Variants in CLSTN2 observed in about 807,000 individuals in gnomAD.
The protein encoded by CLSTN2 is calsyntenin-2.
In CLSTN2, 48 loss-of-function variants were observed where a neutral mutation model predicts 101.2. The observed-to-expected ratio is 0.47, with a 90% CI of 0.38 to 0.60. The LOEUF (loss-of-function observed/expected upper bound fraction) is 0.60, where lower values mean the gene tolerates loss of function less well. Ranked by LOEUF, CLSTN2 falls within the 20% of genes least tolerant of loss-of-function variation. The pLI, the probability that CLSTN2 is intolerant of heterozygous loss-of-function variation, is 0.00. For missense variants in CLSTN2, 1,160 were observed against 1,238.2 expected (o/e 0.94, Z 0.95); for synonymous variants, 481 against 463.6 (o/e 1.04, Z -0.48).
chr3:140,259,637 C>T (rs1242877379), intron 2 of CLSTN2, among the ~76,000 whole-genome samples: 2 of 152,110 alleles, frequency 1.3e-5, no homozygotes, highest in Non-Finnish European at 2.9e-5. Context: ...TCCCTCCCAC[C>T]TTTTCAAACC....
chr3:140,502,871 T>G (rs181620560), intron 8 of CLSTN2, among the ~76,000 whole-genome samples: 1 of 152,340 alleles, frequency 6.6e-6, no homozygotes, highest in East Asian at 1.9e-4. Context: ...ATACCACATA[T>G]GTAGTGACTT....
At chr3:140,535,380 C>T (rs1228194291) in intron 9 of CLSTN2, among the ~76,000 whole-genome samples, 1 of 152,176 alleles carries the variant, frequency 6.6e-6, no homozygotes, top group Non-Finnish European at 1.5e-5. Flanking sequence ...AGGACATTGT[C>T]ACTCCATAAA....
At position 140,562,861 on chromosome 3, in the gene CLSTN2, C is replaced by A; in HGVS notation, c.2263C>A (p.Arg755Ser). 6.2e-7 allele frequency: 1 copy of A among 1,614,122 alleles called. No individual in the cohort carries two copies. Among genetic ancestry groups the A allele is most frequent in the South Asian group, 1.1e-5 (1 of 91,082 alleles). ...YEQVLHHIRY[R>S]NWRPASLEAR... ...GCAGGTGCTACATCACATCCGCTAC[C>A]GCAACTGGCGTCCGGCTTCCCTTGA... Residue 755 changes from arginine (R) to serine (S), a missense_variant, in exon 14 of 17, where the codon CGC becomes AGC. By Grantham distance (110) the Arg-to-Ser change is moderately radical. Transcript: ENST00000458420.
intron 1 of CLSTN2, among the ~76,000 whole-genome samples, chr3:140,139,755 C>T (rs1035246132): frequency 4.6e-5 from 7 of 152,232 alleles, no homozygotes; most frequent in Non-Finnish European, 7.3e-5. Flanking sequence ...TAACAGCAAC[C>T]ACTCACATTC....
intron 1 of CLSTN2, among the ~76,000 whole-genome samples, chr3:140,082,595 C>T (rs1289266789): frequency 6.6e-6 from 1 of 152,192 alleles, no homozygotes; most frequent in South Asian, 2.1e-4. Flanking sequence ...CCCCCATACA[C>T]CCCTCCAAAC....
At chr3:140,015,965 G>A (rs377139997) in intron 1 of CLSTN2, among the ~76,000 whole-genome samples, 1 of 152,214 alleles carries the variant, frequency 6.6e-6, no homozygotes, top group Non-Finnish European at 1.5e-5. Context: ...GCCGTTCTGG[G>A]ACACAAAGCT....
intron 1 of CLSTN2, among the ~76,000 whole-genome samples, chr3:140,038,189 T>C (rs949419463): frequency 2.0e-5 from 3 of 152,282 alleles, no homozygotes; most frequent in African/African-American, 7.2e-5. Flanking sequence ...CCTTTTTCAC[T>C]GCAACCTTGC....
chr3:140,429,756 G>T (rs1018150368), intron 5 of CLSTN2, among the ~76,000 whole-genome samples: 7 of 152,172 alleles, frequency 4.6e-5, no homozygotes, highest in African/African-American at 1.7e-4. Context: ...TCCCCCAAAA[G>T]TACTAAAAGT....
chr3:140,161,570 G>A (rs528204790), intron 1 of CLSTN2, among the ~76,000 whole-genome samples: 2 of 152,166 alleles, frequency 1.3e-5, no homozygotes, highest in South Asian at 2.1e-4. Context: ...AACCAGAACC[G>A]GAAAAAGAAC....
At chr3:140,382,350 G>A (rs1390934066) in intron 2 of CLSTN2, among the ~76,000 whole-genome samples, 4 of 152,176 alleles carry the variant, frequency 2.6e-5, no homozygotes, top group Non-Finnish European at 5.9e-5. Context: ...GGACTGTTAT[G>A]TGAATATCCT....
intron 2 of CLSTN2, among the ~76,000 whole-genome samples, chr3:140,344,549 G>A (rs2087523903): frequency 6.6e-6 from 1 of 152,088 alleles, no homozygotes; most frequent in African/African-American, 2.4e-5. Flanking sequence ...GAGTTTTTGT[G>A]TGCCATCCCT....
chr3:140,346,976 T>C (rs756249962), intron 2 of CLSTN2, among the ~76,000 whole-genome samples: 23 of 152,252 alleles, frequency 1.5e-4, no homozygotes, highest in Non-Finnish European at 3.2e-4. Flanking sequence ...AATGACTAGA[T>C]AGTAAATACT....
intron 5 of CLSTN2, among the ~76,000 whole-genome samples, chr3:140,429,987 G>A (rs1559867523): frequency 6.6e-6 from 1 of 152,036 alleles, no homozygotes; most frequent in Admixed American, 6.6e-5. Flanking sequence ...AGTCCCCAGG[G>A]GTCAGCTGGT....
At chr3:139,976,900 T>C (rs2107821565) in intron 1 of CLSTN2, among the ~76,000 whole-genome samples, 1 of 152,306 alleles carries the variant, frequency 6.6e-6, no homozygotes, top group Admixed American at 6.5e-5. Context: ...TTATACTGCC[T>C]AGAAGGCAAA....
At chr3:140,074,212 A>C (rs2008444473) in intron 1 of CLSTN2, among the ~76,000 whole-genome samples, 1 of 151,722 alleles carries the variant, frequency 6.6e-6, no homozygotes, top group African/African-American at 2.4e-5. Flanking sequence ...ACCCACTTCC[A>C]CTCAGGGCTA....
intron 1 of CLSTN2, among the ~76,000 whole-genome samples, chr3:140,173,114 T>C (rs1042533308): frequency 2.0e-5 from 3 of 152,208 alleles, no homozygotes; most frequent in Non-Finnish European, 4.4e-5. Flanking sequence ...CCCCTCTGCC[T>C]ATGAACTTGT....
At chr3:139,979,918 CT>C (rs1935887597) in intron 1 of CLSTN2, among the ~76,000 whole-genome samples, 1 of 152,044 alleles carries the variant, frequency 6.6e-6, no homozygotes, top group Admixed American at 6.6e-5. Context: ...CATTCATCTG[CT>C]TGTTCAGGTC....
At position 140,358,206 on chromosome 3, in the gene CLSTN2, G is replaced by GC. The variant is rs1287720954; in HGVS notation, c.233-45416dup. On this transcript the variant is annotated intron_variant, in intron 2 of 16. Coordinates refer to ENST00000458420, the MANE Select transcript of CLSTN2 (RefSeq NM_022131.3). Reference sequence around the variant, plus strand: ...CAAAGTGTTAGGGAGACATGGCCAAGCCCCCCCTCCATCTGTCCTTGGGAA... The same window carrying GC: ...CAAAGTGTTAGGGAGACATGGCCAAGCCCCCCCCTCCATCTGTCCTTGGGAA... Among the ~76,000 whole-genome samples, 99 of 152,116 alleles carry GC rather than the reference G, an allele frequency of 6.5e-4. 1 individual carries two copies. The highest frequency in any genetic ancestry group is 2.3e-3 in the African/African-American group (97 of 41,494).
intron 2 of CLSTN2, among the ~76,000 whole-genome samples, chr3:140,254,123 T>C (rs2086585729): frequency 6.6e-6 from 1 of 152,224 alleles, no homozygotes; most frequent in Admixed American, 6.5e-5. Flanking sequence ...TGCAGACTTC[T>C]CATGTTCTCG....
Sources: allele counts gnomAD v4.1 joint callset (sites outside exome capture counted in the v4.1 genomes callset), GRCh38; gene constraint gnomAD v4.1.1; transcripts MANE v1.5; gene names NCBI Gene and HGNC (gene_info 2026-07-23, HGNC 2026-07-21).